Variants in PDE8A observed in about 807,000 individuals in gnomAD.
The protein encoded by PDE8A is phosphodiesterase 8A.
Under a neutral mutation model 105.0 loss-of-function variants are expected in PDE8A, and 59 were observed. The observed-to-expected ratio is 0.56, with a 90% CI of 0.46 to 0.70. The LOEUF (loss-of-function observed/expected upper bound fraction) is 0.70. Ranked by LOEUF, PDE8A falls within the 30% of genes least tolerant of loss-of-function variation. The pLI is 0.00. For synonymous variants in PDE8A, 355 were observed against 371.9 expected, an observed-to-expected ratio of 0.95 and a Z score of 0.52; for missense variants, 1,014 against 1,045.9, an observed-to-expected ratio of 0.97 and a Z score of 0.42.
At chr15:85,079,632 G>T (rs1352424352) in intron 5 of PDE8A, among the ~76,000 whole-genome samples, 1 of 152,218 alleles carries the variant, frequency 6.6e-6, no homozygotes, top group African/African-American at 2.4e-5. Context: ...ATAGAAGCAG[G>T]CTGGGCACGG....
intron 19 of PDE8A, among the ~76,000 whole-genome samples, chr15:85,125,935 A>C (rs2082251554): frequency 6.6e-6 from 1 of 152,182 alleles, no homozygotes; most frequent in Non-Finnish European, 1.5e-5. Context: ...GAAGAGAAGA[A>C]AGAGGCAAGG....
intron 5 of PDE8A, among the ~76,000 whole-genome samples, chr15:85,080,590 A>C (rs746229600): frequency 6.6e-6 from 1 of 152,108 alleles, no homozygotes; most frequent in Non-Finnish European, 1.5e-5. Flanking sequence ...ACATAGATGC[A>C]CTGTTGGAAA....
chr15:85,127,815 T>A (rs1053550925), intron 20 of PDE8A, among the ~76,000 whole-genome samples: 1 of 152,110 alleles, frequency 6.6e-6, no homozygotes, highest in East Asian at 1.9e-4. Context: ...GTTTCTAAAT[T>A]ATATATGAAA....
intron 1 of PDE8A, among the ~76,000 whole-genome samples, chr15:85,028,194 T>C (rs2080550712): frequency 6.6e-6 from 1 of 152,194 alleles, no homozygotes; most frequent in South Asian, 2.1e-4. Flanking sequence ...ATCTGCTAAA[T>C]CACAGAGCAT....
At chr15:85,057,040 A>G (rs1443511898) in intron 1 of PDE8A, among the ~76,000 whole-genome samples, 3 of 152,186 alleles carry the variant, frequency 2.0e-5, no homozygotes, top group Non-Finnish European at 4.4e-5. Flanking sequence ...TCTAACAGTC[A>G]GGACCCTCAA....
chr15:85,007,604 T>A (rs2080169824), intron 1 of PDE8A, among the ~76,000 whole-genome samples: 1 of 152,028 alleles, frequency 6.6e-6, no homozygotes, highest in Admixed American at 6.6e-5. Context: ...ATCTCAGCTC[T>A]GCAACTTTAT....
chr15:85,113,303 C>A, intron 12 of PDE8A, 74 bp from the exon 13 acceptor site: 1 of 1,215,306 alleles, frequency 8.2e-7, no homozygotes, highest in Non-Finnish European at 1.2e-6. Flanking sequence ...CAGCCGAGCA[C>A]ACTGAGCCCT....
chr15:85,073,275 A>G (rs1259037635), intron 3 of PDE8A, among the ~76,000 whole-genome samples: 1 of 152,146 alleles, frequency 6.6e-6, no homozygotes, highest in South Asian at 2.1e-4. Flanking sequence ...TTTCTTTCCT[A>G]GTTTTCATGA....
rs141977823 is a variant in PDE8A at position 85,134,889 on chromosome 15, A to T, written c.2254-1645A>T. 5.0e-3 allele frequency among the ~76,000 whole-genome samples: 759 copies of T among 152,274 alleles called. 12 individuals carry two copies. The highest frequency in any genetic ancestry group is 0.017 in the African/African-American group (724 of 41,556). On this transcript the variant is annotated intron_variant, in intron 20 of 21. Transcript: ENST00000394553. ...GAGCCTGAGGTGCTGGGCCAGGTGT[A>T]GTAAGGAAGATGGGAGAAGGGTGAC...
chr15:84,984,890 A>G (rs2079777385), intron 1 of PDE8A, among the ~76,000 whole-genome samples: 1 of 152,028 alleles, frequency 6.6e-6, no homozygotes, highest in Admixed American at 6.6e-5. Context: ...GGGATGCTGA[A>G]CTGGTAAATA....
Position 85,088,996 on chromosome 15 carries a change from A to G in PDE8A, c.636-342A>G, listed in dbSNP as rs572080084. On this transcript the variant is annotated intron_variant, in intron 6 of 21. Coordinates refer to ENST00000394553, the MANE Select transcript of PDE8A (RefSeq NM_002605.3). ...CTATTCTCTTATTTAGTCTTCATGA[A>G]GACTCTAAGGTGGTGAAAGGGAAGG... Among the ~76,000 whole-genome samples the G allele has an allele frequency of 6.6e-5, 10 of 152,210 alleles. No individual in the cohort carries two copies. The East Asian group carries it at 1.9e-3, about 29-fold the overall frequency.
At chr15:85,072,860 C>G (rs968993662) in intron 3 of PDE8A, among the ~76,000 whole-genome samples, 1 of 152,190 alleles carries the variant, frequency 6.6e-6, no homozygotes, top group African/African-American at 2.4e-5. Flanking sequence ...CACCTCTAAT[C>G]CCAGCACTTT....
intron 20 of PDE8A, among the ~76,000 whole-genome samples, chr15:85,129,014 A>T (rs540054836): frequency 4.6e-5 from 7 of 152,190 alleles, no homozygotes; most frequent in Non-Finnish European, 7.4e-5. Context: ...TTACCATTTT[A>T]GATCTGGGTT....
At chr15:85,001,616 A>G (rs2080068698) in intron 1 of PDE8A, among the ~76,000 whole-genome samples, 1 of 152,070 alleles carries the variant, frequency 6.6e-6, no homozygotes. Flanking sequence ...TCCAGGAGGG[A>G]TCTGAGGTTG....
Position 85,019,010 on chromosome 15 carries a change from C to A in PDE8A, c.186+36662C>A, listed in dbSNP as rs75942807. Among the ~76,000 whole-genome samples, 681 of 152,252 alleles carry A rather than the reference C, an allele frequency of 4.5e-3. 19 individuals are homozygous for A. The East Asian group carries it at 0.067, about 15-fold the overall frequency. On this transcript the variant is annotated intron_variant, in intron 1 of 21. Transcript: ENST00000394553. ...TGTAGAAATTGTCCTTTTTTATAGA[C>A]TCTCCTAGCAGTATAGTTACTTGGG...
rs2080818055 is a variant in PDE8A, at chr15:85,042,073, C to T, written c.187-22297C>T. Among the ~76,000 whole-genome samples, 3 of 126,440 alleles carry T rather than the reference C, an allele frequency of 2.4e-5. No homozygotes were observed. In the South Asian group the frequency reaches 6.6e-4, roughly 28 times the overall value. 82.9% of individuals were successfully genotyped at this position (126,440 alleles called of 152,430 possible). On this transcript the variant is annotated intron_variant, in intron 1 of 21. Coordinates refer to ENST00000394553, the MANE Select transcript of PDE8A (RefSeq NM_002605.3). ...ATTCCAAAAAGAAACTTTAAAGAAA[C>T]CAATTTTTTTTTTTTAATAAAAAAT...
At position 85,035,197 on chromosome 15, in the gene PDE8A, C is replaced by CTTTTTT. The variant is rs35548176; in HGVS notation, c.187-29150_187-29145dup. ...GCAGGACCTCACCTCTGGGTATTTC[C>CTTTTTT]TTTTTTTTTTTTTTTTTTTTTTTTT... On this transcript the variant is annotated intron_variant, in intron 1 of 21. Coordinates refer to ENST00000394553, the MANE Select transcript of PDE8A (RefSeq NM_002605.3). Among the ~76,000 whole-genome samples the CTTTTTT allele has an allele frequency of 3.5e-4, 20 of 57,786 alleles. 1 individual carries two copies. The highest frequency in any genetic ancestry group is 5.9e-4 in the Non-Finnish European group (20 of 33,792). 37.9% of individuals were successfully genotyped at this position (57,786 alleles called of 152,430 possible).
chr15:85,049,944 C>G (rs970584606), intron 1 of PDE8A, among the ~76,000 whole-genome samples: 3 of 152,142 alleles, frequency 2.0e-5, no homozygotes, highest in African/African-American at 7.2e-5. Flanking sequence ...TTTAATATTT[C>G]CATCAACAGG....
chr15:85,023,466 G>T (rs1467951659), intron 1 of PDE8A, among the ~76,000 whole-genome samples: 1 of 152,188 alleles, frequency 6.6e-6, no homozygotes. Context: ...TGGGACAAGA[G>T]GGTTGGACTT....
Sources: allele counts gnomAD v4.1 joint callset (sites outside exome capture counted in the v4.1 genomes callset), GRCh38; gene constraint gnomAD v4.1.1; transcripts MANE v1.5; gene names NCBI Gene and HGNC (gene_info 2026-07-23, HGNC 2026-07-21).